BTBD3: variants seen among roughly 807,000 people sequenced by gnomAD.
BTBD3 encodes BTB domain containing 3, also known as BTB/POZ domain-containing protein 3.
In BTBD3, 14 loss-of-function variants were observed where a neutral mutation model predicts 41.6. That is an observed-to-expected ratio of 0.34 (90% confidence interval 0.22 to 0.53). The LOEUF (loss-of-function observed/expected upper bound fraction) is 0.53. BTBD3 is among the 20% of genes least tolerant of loss of function. BTBD3 has a pLI of 0.95. For missense variants in BTBD3, 426 were observed against 654.7 expected (o/e 0.65, Z 3.81); for synonymous variants, 249 against 233.7 (o/e 1.07, Z -0.60).
chr20:11,902,962 A>C (rs897674369), intron 1 of BTBD3, among the ~76,000 whole-genome samples: 1 of 152,320 alleles, frequency 6.6e-6, no homozygotes, highest in Admixed American at 6.5e-5. Context: ...TTGTTACACA[A>C]ATCTCCAACT....
At position 11,923,803 on chromosome 20, in the gene BTBD3, T is replaced by C; in HGVS notation, c.*137T>C. 1 of 831,868 alleles carries C rather than the reference T, an allele frequency of 1.2e-6. No homozygotes were observed. The highest frequency in any genetic ancestry group is 1.9e-5 in the South Asian group (1 of 53,912). The allele number at this position is 831,868 out of a possible 1,614,324, so 51.5% of individuals were successfully genotyped here. On this transcript the variant is annotated 3_prime_UTR_variant, in exon 4 of 4. Transcript: ENST00000378226. This position sits in a 1 kb window ranked among gnomAD's most constrained non-coding sequence, Gnocchi z 5.3. ...GAAGCGGTAGGCAGGTTCTAATTTC[T>C]TTTAACCTTTTAATTATGTACAGGC...
chr20:11,918,112 G>C lies in BTBD3; in HGVS notation c.-164G>C, dbSNP rs1174050239. ...CAGTACTGGATAAAACTTAAAGCCA[G>C]TTTCTATTCAACATAGTGAAAAGGT... is the stretch of plus-strand genomic sequence containing the variant. On this transcript the variant is annotated 5_prime_UTR_variant, in exon 1 of 4. Transcript: ENST00000378226. 7 of 1,459,674 alleles carry C rather than the reference G, an allele frequency of 4.8e-6. No individual in the cohort carries two copies. The highest frequency in any genetic ancestry group is 1.6e-5 in the South Asian group (1 of 63,702). The allele number at this position is 1,459,674 out of a possible 1,614,324, so 90.4% of individuals were successfully genotyped here.
In BTBD3 at chr20:11,918,425, T is replaced by C. The variant is rs369540751; in HGVS notation, c.150T>C (p.Tyr50=). 9.3e-6 allele frequency: 15 copies of C among 1,614,132 alleles called. No homozygotes were observed. In the African/African-American group the frequency reaches 1.9e-4, roughly 20 times the overall value. The change falls in exon 1 of 4, where the codon TAT becomes TAC. Residue 50 remains tyrosine (Y), a synonymous_variant. Transcript: ENST00000378226. The stretch of plus-strand genomic sequence containing the variant: ...GCAGCAAGTTGCCACCAGTTTGTTA[T>C]GAAATAATTACCTTGAAGACTAAAA... ...SNSSKLPPVC[Y]EIITLKTKKK... is the part of the protein sequence containing the mutation.
At chr20:11,894,923 A>G (rs1211701802) in intron 1 of BTBD3, among the ~76,000 whole-genome samples, 1 of 152,214 alleles carries the variant, frequency 6.6e-6, no homozygotes, top group Non-Finnish European at 1.5e-5. Flanking sequence ...AGCTGTATGC[A>G]TATATTAAAT....
chr20:11,899,276 A>G (rs1197471170), intron 1 of BTBD3, among the ~76,000 whole-genome samples: 1 of 152,204 alleles, frequency 6.6e-6, no homozygotes, highest in East Asian at 1.9e-4. Flanking sequence ...ACAAAATCAA[A>G]GGATCTCAGT....
intron 1 of BTBD3, among the ~76,000 whole-genome samples, chr20:11,896,101 C>T (rs2056785336): frequency 6.6e-6 from 1 of 152,138 alleles, no homozygotes; most frequent in Non-Finnish European, 1.5e-5. Context: ...AAAAAAATAC[C>T]GGATCATGTT....
In BTBD3 at chr20:11,924,228, A is replaced by G. The variant is rs1003071092; in HGVS notation, c.*562A>G. ...TGGGATTTAAAAAATTACTAAATTCATAAGATAGTTAGGTATTAAACACTT... is the reference window on the plus strand; with the variant it reads ...TGGGATTTAAAAAATTACTAAATTCGTAAGATAGTTAGGTATTAAACACTT... On this transcript the variant is annotated 3_prime_UTR_variant, in exon 4 of 4. Coordinates refer to ENST00000378226, the MANE Select transcript of BTBD3 (RefSeq NM_014962.4). 3 of 152,594 alleles carry G rather than the reference A, an allele frequency of 2.0e-5. No homozygotes were observed. The highest frequency in any genetic ancestry group is 2.1e-4 in the South Asian group (1 of 4,838). 9.5% of individuals were successfully genotyped at this position (152,594 alleles called of 1,614,324 possible). A position where few individuals can be genotyped will look rare whatever the true frequency, so the allele number is the denominator to read the frequency against.
At position 11,924,303 on chromosome 20, in the gene BTBD3, A is replaced by G. The variant is rs2056999502; in HGVS notation, c.*637A>G. 6.6e-6 allele frequency: 1 copy of G among 152,222 alleles called. No homozygotes were observed. Among genetic ancestry groups the G allele is most frequent in the Admixed American group, 6.5e-5 (1 of 15,286 alleles). 9.4% of individuals were successfully genotyped at this position (152,222 alleles called of 1,614,324 possible). Reference sequence around the variant, plus strand: ...AATAAGGAACTGGGGGCATTTGTTTAGGCCATGACTTCTACAAGCAGATTT... The same window carrying G: ...AATAAGGAACTGGGGGCATTTGTTTGGGCCATGACTTCTACAAGCAGATTT... On this transcript the variant is annotated 3_prime_UTR_variant, in exon 4 of 4. Coordinates refer to ENST00000378226, the MANE Select transcript of BTBD3 (RefSeq NM_014962.4).
upstream of BTBD3, among the ~76,000 whole-genome samples, chr20:11,915,194 C>T (rs2056910533): frequency 6.6e-6 from 1 of 152,154 alleles, no homozygotes; most frequent in Non-Finnish European, 1.5e-5. Context: ...CTGCCGAAAT[C>T]ATCACTGTCA....
chr20:11,902,573 A>G (rs910693181), intron 1 of BTBD3, among the ~76,000 whole-genome samples: 1 of 152,230 alleles, frequency 6.6e-6, no homozygotes, highest in African/African-American at 2.4e-5. Flanking sequence ...GGGGAGAGAA[A>G]GTGCTCATGC....
chr20:11,923,594 G>A lies in BTBD3; in HGVS notation c.1497G>A (p.Gln499=). 2 of 1,614,090 alleles carry A rather than the reference G, an allele frequency of 1.2e-6. No homozygotes were observed. The highest frequency in any genetic ancestry group is 1.7e-6 in the Non-Finnish European group (2 of 1,180,006). Residue 499 remains glutamine (Q), a synonymous_variant, in exon 4 of 4, where the codon CAG becomes CAA. Transcript: ENST00000378226. The surrounding 1 kb of genome is among the most constrained non-coding windows in gnomAD (Gnocchi z 5.3). ...VQCGKVTVQF[Q]CSSDSTNGTG... ...GTGGCAAAGTGACTGTCCAGTTTCAGTGCTCCTCAGATAGCACCAATGGCA... is the reference window on the plus strand; with the variant it reads ...GTGGCAAAGTGACTGTCCAGTTTCAATGCTCCTCAGATAGCACCAATGGCA...
intron 1 of BTBD3, among the ~76,000 whole-genome samples, chr20:11,898,802 T>C (rs2056806232): frequency 6.6e-6 from 1 of 152,198 alleles, no homozygotes; most frequent in Non-Finnish European, 1.5e-5. Context: ...GAGATAATAA[T>C]ACAGAGAGTG....
intron 1 of BTBD3, among the ~76,000 whole-genome samples, chr20:11,896,675 A>G (rs933256294): frequency 6.6e-6 from 1 of 152,178 alleles, no homozygotes; most frequent in Non-Finnish European, 1.5e-5. Flanking sequence ...AGGTAATTTT[A>G]TGTTTTTAAG....
chr20:11,895,052 C>T (rs2056778300), intron 1 of BTBD3, among the ~76,000 whole-genome samples: 1 of 152,094 alleles, frequency 6.6e-6, no homozygotes, highest in African/African-American at 2.4e-5. Flanking sequence ...CCGCTGCCTC[C>T]TCTTCCTTTT....
intron 1 of BTBD3, chr20:11,909,864 A>AAAATCTAAG (rs2056878856): frequency 1.3e-5 from 2 of 152,246 alleles, no homozygotes; most frequent in Non-Finnish European, 2.9e-5. Context: ...AGCACAATTT[A>AAAATCTAAG]AAATCTAAGA....
chr20:11,895,630 G>T (rs533225910), intron 1 of BTBD3, among the ~76,000 whole-genome samples: 1 of 152,228 alleles, frequency 6.6e-6, no homozygotes, highest in East Asian at 1.9e-4. Context: ...GTTGGAGAAG[G>T]TTCACCATAC....
chr20:11,905,214 T>C (rs929887398), intron 1 of BTBD3, among the ~76,000 whole-genome samples: 1 of 152,188 alleles, frequency 6.6e-6, no homozygotes, highest in African/African-American at 2.4e-5. Flanking sequence ...TCATTCATTT[T>C]TGAGAAAATG....
chr20:11,915,994 A>G (rs913461214), upstream of BTBD3, among the ~76,000 whole-genome samples: 3 of 152,138 alleles, frequency 2.0e-5, no homozygotes, highest in Non-Finnish European at 2.9e-5. Flanking sequence ...AAAATGAGTA[A>G]AGATCACAAA....
Position 11,904,152 on chromosome 20 carries a change from G to A in BTBD3, c.-126+13198G>A, listed in dbSNP as rs1473634912. The stretch of plus-strand genomic sequence containing the variant: ...TGCTGTAAAGCAGCTACCTGAGACT[G>A]TTTAATTTATAAAGAAAAGAGGTTT... On this transcript the variant is annotated intron_variant, in intron 1 of 4. Transcript: ENST00000254977. 3.9e-5 allele frequency among the ~76,000 whole-genome samples: 6 copies of A among 152,290 alleles called. No homozygotes were observed. In the East Asian group the frequency reaches 9.6e-4, roughly 24 times the overall value.
Sources: allele counts gnomAD v4.1 joint callset (sites outside exome capture counted in the v4.1 genomes callset), GRCh38; gene constraint gnomAD v4.1.1; non-coding constraint Gnocchi (gnomAD v3.1); transcripts MANE v1.5; gene names NCBI Gene and HGNC (gene_info 2026-07-23, HGNC 2026-07-21).